FBXO10: variants seen among roughly 807,000 people sequenced by gnomAD.
FBXO10 encodes F-box protein 10.
Under a neutral mutation model 80.7 loss-of-function variants are expected in FBXO10, and 39 were observed. The observed-to-expected ratio is 0.48, with a 90% CI of 0.37 to 0.63. The LOEUF is 0.63. Ranked by LOEUF, FBXO10 falls within the 30% of genes least tolerant of loss-of-function variation. The pLI, the probability that FBXO10 is intolerant of heterozygous loss-of-function variation, is 0.00. For missense variants in FBXO10, 1,025 were observed against 1,269.0 expected (o/e 0.81, Z 2.92); for synonymous variants, 449 against 489.6 (o/e 0.92, Z 1.09).
chr9:37,545,307 G>C (rs948888629), intron 1 of FBXO10, among the ~76,000 whole-genome samples: 8 of 150,142 alleles, frequency 5.3e-5, no homozygotes, highest in Non-Finnish European at 1.2e-4. Flanking sequence ...CTCCTGAGTA[G>C]CTGGGATTAC....
intron 8 of FBXO10, among the ~76,000 whole-genome samples, chr9:37,519,262 A>G (rs1203670322): frequency 2.6e-5 from 4 of 152,224 alleles, no homozygotes; most frequent in African/African-American, 9.7e-5. Context: ...AAAACTTACT[A>G]AGCGAGTAAT....
chr9:37,553,627 C>A (rs1194369827), intron 1 of FBXO10, among the ~76,000 whole-genome samples: 2 of 151,670 alleles, frequency 1.3e-5, no homozygotes, highest in Non-Finnish European at 2.9e-5. Context: ...AGATCCTGGC[C>A]AGGCACGGTG....
intron 1 of FBXO10, among the ~76,000 whole-genome samples, chr9:37,549,915 A>G (rs959397507): frequency 2.0e-5 from 3 of 152,332 alleles, no homozygotes; most frequent in African/African-American, 7.2e-5. Context: ...CAATGCCTCT[A>G]TCCAGCAATT....
intron 1 of FBXO10, among the ~76,000 whole-genome samples, chr9:37,543,235 A>G (rs942916484): frequency 1.2e-4 from 18 of 152,138 alleles, no homozygotes. Flanking sequence ...CTCCCCTACC[A>G]GTGATTTATA....
At chr9:37,548,498 C>T (rs1003028724) in intron 1 of FBXO10, among the ~76,000 whole-genome samples, 1 of 152,200 alleles carries the variant, frequency 6.6e-6, no homozygotes, top group Non-Finnish European at 1.5e-5. Flanking sequence ...ATTATCATCT[C>T]TCCCCATTCT....
At chr9:37,571,770 T>A (rs1822766075) in intron 1 of FBXO10, among the ~76,000 whole-genome samples, 1 of 140,388 alleles carries the variant, frequency 7.1e-6, no homozygotes, top group Admixed American at 7.2e-5. Flanking sequence ...AAAATCAATT[T>A]AAAAAATTTA....
Position 37,512,372 on chromosome 9 carries a change from CT to C in FBXO10, c.*174del. 1.8e-6 allele frequency: 1 copy of C among 545,260 alleles called. No individual in the cohort carries two copies. Among genetic ancestry groups the C allele is most frequent in the Non-Finnish European group, 3.1e-6 (1 of 326,186 alleles). 33.8% of individuals were successfully genotyped at this position (545,260 alleles called of 1,614,324 possible). A position where few individuals can be genotyped will look rare whatever the true frequency, so the allele number is the denominator to read the frequency against. ...CCTTCTCCCTGAAAAACATTGCCCA[CT>C]TTCTTCTTGCTATGGGCTGTGGAGC... On this transcript the variant is annotated 3_prime_UTR_variant, in exon 11 of 11. Transcript: ENST00000432825.
chr9:37,526,878 C>T (rs1179723607), intron 5 of FBXO10, among the ~76,000 whole-genome samples: 1 of 150,792 alleles, frequency 6.6e-6, no homozygotes, highest in Admixed American at 6.6e-5. Flanking sequence ...GAAATGGAGT[C>T]TCGCTCTTGT....
chr9:37,555,122 T>C (rs1822302784), intron 1 of FBXO10, among the ~76,000 whole-genome samples: 1 of 152,138 alleles, frequency 6.6e-6, no homozygotes, highest in African/African-American at 2.4e-5. Context: ...GTGATCACAG[T>C]TCATTGCAAC....
At chr9:37,526,657 G>C (rs1821479331) in intron 5 of FBXO10, among the ~76,000 whole-genome samples, 1 of 152,070 alleles carries the variant, frequency 6.6e-6, no homozygotes, top group South Asian at 2.1e-4. Flanking sequence ...AAATCAAAGT[G>C]TCAGCAGACC....
chr9:37,573,405 C>G (rs1330616171), intron 1 of FBXO10, among the ~76,000 whole-genome samples: 2 of 152,174 alleles, frequency 1.3e-5, no homozygotes, highest in African/African-American at 2.4e-5. Flanking sequence ...ATGAAACAAG[C>G]TCTAACCTTG....
intron 1 of FBXO10, among the ~76,000 whole-genome samples, chr9:37,556,439 G>A (rs190033826): frequency 2.0e-5 from 3 of 151,638 alleles, no homozygotes; most frequent in Admixed American, 2.0e-4. Flanking sequence ...ACTGTCCCAG[G>A]ACCATTTGTT....
intron 1 of FBXO10, among the ~76,000 whole-genome samples, chr9:37,561,248 T>G (rs1328112087): frequency 2.0e-5 from 3 of 150,224 alleles, no homozygotes; most frequent in Non-Finnish European, 4.4e-5. Context: ...GGCAGGATCA[T>G]AGCTCACTGC....
At position 37,511,124 on chromosome 9, in the gene FBXO10, TC is replaced by T. The variant is rs1283280456; in HGVS notation, c.*1422del. The T allele has an allele frequency of 2.1e-5, 3 of 144,806 alleles. No homozygotes were observed. The highest frequency in any genetic ancestry group is 5.0e-5 in the African/African-American group (2 of 39,978). The allele number at this position is 144,806 out of a possible 1,614,324, so 9.0% of individuals were successfully genotyped here. ...TCCTGGCTCCCTCTACCCCCTCCCA[TC>T]CCACCCAACAGAGCAGCACCTAGGG... On this transcript the variant is annotated 3_prime_UTR_variant, in exon 11 of 11. Coordinates refer to ENST00000432825, the MANE Select transcript of FBXO10 (RefSeq NM_012166.3).
intron 9 of FBXO10, among the ~76,000 whole-genome samples, chr9:37,516,572 A>G (rs77344460): frequency 0.032 from 4,862 of 152,312 alleles, 136 homozygotes; most frequent in African/African-American, 0.078. Flanking sequence ...TACCTAAAGG[A>G]AAAAAAGTCA....
chr9:37,522,388 A>G (rs1243006068), intron 7 of FBXO10: 6 of 1,009,334 alleles, frequency 5.9e-6, no homozygotes, highest in Admixed American at 5.3e-5. Flanking sequence ...ATTATTAGAG[A>G]TAGAGTCCAG....
intron 1 of FBXO10, among the ~76,000 whole-genome samples, chr9:37,551,359 G>T (rs1208056512): frequency 6.6e-6 from 1 of 152,282 alleles, no homozygotes; most frequent in East Asian, 1.9e-4. Flanking sequence ...TGGAGTCTTG[G>T]GGGCAGCCCT....
At chr9:37,567,727 A>G (rs1234273668) in intron 1 of FBXO10, among the ~76,000 whole-genome samples, 3 of 152,076 alleles carry the variant, frequency 2.0e-5, no homozygotes, top group Admixed American at 2.0e-4. Context: ...ATGGGGTTTC[A>G]CCATGTTGGC....
intron 1 of FBXO10, among the ~76,000 whole-genome samples, chr9:37,556,271 G>T (rs959807988): frequency 6.6e-6 from 1 of 152,074 alleles, no homozygotes; most frequent in Admixed American, 6.5e-5. Flanking sequence ...TCAAGTTTAA[G>T]AACTTTTTAC....
Sources: gnomAD v4.1 joint callset for allele counts (sites outside exome capture counted in the v4.1 genomes callset) on GRCh38, gnomAD v4.1.1 for gene constraint, MANE v1.5 for transcripts, NCBI Gene and HGNC (gene_info 2026-07-23, HGNC 2026-07-21) for gene names.